Variants in FHIP1A observed in about 807,000 individuals in gnomAD.
The protein encoded by FHIP1A is FHF complex subunit HOOK interacting protein 1A.
In FHIP1A, 61 loss-of-function variants were observed where a neutral mutation model predicts 88.6. The observed-to-expected ratio is 0.69, with a 90% CI of 0.56 to 0.85. The LOEUF is 0.85. FHIP1A is among the 40% of genes least tolerant of loss of function. The probability of loss-of-function intolerance (pLI) is 0.00; values close to 1 mark genes in which losing one functional copy is unlikely to be tolerated. For missense variants in FHIP1A, 1,154 were observed against 1,273.5 expected, an observed-to-expected ratio of 0.91 and a Z score of 1.43; for synonymous variants, 478 against 496.0, an observed-to-expected ratio of 0.96 and a Z score of 0.48.
intron 2 of FHIP1A, among the ~76,000 whole-genome samples, chr4:151,461,496 C>T (rs1729140180): frequency 6.6e-6 from 1 of 152,044 alleles, no homozygotes; most frequent in Non-Finnish European, 1.5e-5. Context: ...TTGAATGTTC[C>T]CAACACAAAG....
chr4:151,549,826 TA>T (rs1732654318), intron 3 of FHIP1A, among the ~76,000 whole-genome samples: 1 of 152,130 alleles, frequency 6.6e-6, no homozygotes, highest in Admixed American at 6.5e-5. Context: ...AAAATACATG[TA>T]GTATGGGACA....
chr4:151,650,386 T>C lies in FHIP1A; in HGVS notation c.2345T>C (p.Leu782Pro). 1 of 1,551,560 alleles carries C rather than the reference T, an allele frequency of 6.4e-7. No homozygotes were observed. The highest frequency in any genetic ancestry group is 8.7e-7 in the Non-Finnish European group (1 of 1,146,982). ...TACCCCACACCTGATCCCTTGCTTC[T>C]CACTAAGGAGGAAGAAGGGAAGGAA... ...QNYPTPDPLL[L>P]TKEEEGKEES... Residue 782 changes from leucine (L) to proline (P), a missense_variant, in exon 11 of 14, where the codon CTC becomes CCC. Leu to Pro is a moderately conservative substitution (Grantham distance 98). Coordinates refer to ENST00000435205, the MANE Select transcript of FHIP1A (RefSeq NM_001109977.3).
At chr4:151,659,681 T>C (rs1317777818) in intron 13 of FHIP1A, among the ~76,000 whole-genome samples, 1 of 152,230 alleles carries the variant, frequency 6.6e-6, no homozygotes, top group Non-Finnish European at 1.5e-5. Context: ...CAGGTGCTCG[T>C]GCATGCTTGT....
At chr4:151,614,162 CAAA>C (rs111483557) in intron 7 of FHIP1A, among the ~76,000 whole-genome samples, 5 of 122,538 alleles carry the variant, frequency 4.1e-5, no homozygotes, top group Non-Finnish European at 5.1e-5. Flanking sequence ...GACTCCATCT[CAAA>C]AAAAAAAAAA....
At chr4:151,595,788 T>G (rs953318996) in intron 7 of FHIP1A, among the ~76,000 whole-genome samples, 1 of 152,130 alleles carries the variant, frequency 6.6e-6, no homozygotes, top group Non-Finnish European at 1.5e-5. Context: ...AATGCCCTTC[T>G]TTGTCTCTTT....
chr4:151,480,720 G>GT (rs1033470592), intron 2 of FHIP1A, among the ~76,000 whole-genome samples: 2 of 151,998 alleles, frequency 1.3e-5, no homozygotes, highest in African/African-American at 4.8e-5. Context: ...TGAAGAATTT[G>GT]TTTTTTGCAT....
chr4:151,586,829 C>T, intron 6 of FHIP1A, 30 bp downstream of exon 6: 6 of 1,495,144 alleles, frequency 4.0e-6, no homozygotes, highest in Non-Finnish European at 5.4e-6. Flanking sequence ...GATCCCTTTG[C>T]TATGGCTTCA....
chr4:151,421,456 T>C (rs995689467), intron 1 of FHIP1A, among the ~76,000 whole-genome samples: 3 of 152,226 alleles, frequency 2.0e-5, no homozygotes, highest in African/African-American at 7.2e-5. Flanking sequence ...TTAGTTTACT[T>C]ATGTCTTTTT....
chr4:151,617,750 G>A (rs1297941604), intron 7 of FHIP1A, among the ~76,000 whole-genome samples: 2 of 152,162 alleles, frequency 1.3e-5, no homozygotes, highest in African/African-American at 2.4e-5. Flanking sequence ...GCCAGGCATG[G>A]TGGCGTGTGC....
intron 9 of FHIP1A, among the ~76,000 whole-genome samples, chr4:151,643,082 AAGATAG>A (rs1736653121): frequency 6.6e-6 from 1 of 152,034 alleles, no homozygotes; most frequent in Admixed American, 6.6e-5. Context: ...TATAAATGAA[AAGATAG>A]TTTGATGATA....
intron 5 of FHIP1A, among the ~76,000 whole-genome samples, chr4:151,579,796 T>C (rs1005643185): frequency 6.6e-6 from 1 of 152,210 alleles, no homozygotes; most frequent in East Asian, 1.9e-4. Context: ...GTTTTTATTA[T>C]GAGAAAAAAT....
intron 8 of FHIP1A, among the ~76,000 whole-genome samples, chr4:151,632,087 G>A (rs1736177677): frequency 1.3e-5 from 2 of 151,944 alleles, no homozygotes; most frequent in Admixed American, 6.6e-5. Context: ...TAAGCTGAAA[G>A]TCAAAAGATG....
chr4:151,468,870 T>G (rs1045340865), intron 2 of FHIP1A, among the ~76,000 whole-genome samples: 3 of 152,180 alleles, frequency 2.0e-5, no homozygotes, highest in African/African-American at 7.2e-5. Flanking sequence ...GATCATCTGA[T>G]CTGGGGTACT....
chr4:151,419,160 A>G (rs1476971216), intron 1 of FHIP1A, among the ~76,000 whole-genome samples: 1 of 152,186 alleles, frequency 6.6e-6, no homozygotes, highest in Non-Finnish European at 1.5e-5. Context: ...AAACTCAGTA[A>G]AGCAGACTGC....
Position 151,629,826 on chromosome 4 carries a change from A to G in FHIP1A, c.1103A>G (p.His368Arg). 2 of 1,551,452 alleles carry G rather than the reference A, an allele frequency of 1.3e-6. No homozygotes were observed. The highest frequency in any genetic ancestry group is 2.4e-5 in the East Asian group (1 of 40,928). ...FILLHQHENV[H>R]ILDTLTSRIN... ...CTATTGCACCAGCACGAGAATGTCC[A>G]CATCCTAGACACTCTCACGAGTCGA... The change falls in exon 8 of 14, where the codon CAC becomes CGC. Residue 368 changes from histidine (H) to arginine (R), a missense_variant. Coordinates refer to ENST00000435205, the MANE Select transcript of FHIP1A (RefSeq NM_001109977.3).
intron 2 of FHIP1A, among the ~76,000 whole-genome samples, chr4:151,462,404 A>G (rs1389389770): frequency 2.6e-5 from 4 of 152,102 alleles, no homozygotes; most frequent in Non-Finnish European, 5.9e-5. Flanking sequence ...AGATAGTTTC[A>G]CTAGATTCTT....
chr4:151,527,686 A>T (rs1309890978), intron 3 of FHIP1A, among the ~76,000 whole-genome samples: 1 of 152,210 alleles, frequency 6.6e-6, no homozygotes, highest in Non-Finnish European at 1.5e-5. Context: ...ATGCTTCAGT[A>T]TAATGCTCTG....
chr4:151,473,487 C>T (rs1382453700), intron 2 of FHIP1A, among the ~76,000 whole-genome samples: 1 of 151,890 alleles, frequency 6.6e-6, no homozygotes, highest in Non-Finnish European at 1.5e-5. Context: ...CTCCTTGGCC[C>T]ATGAAATGTA....
At chr4:151,528,896 T>C (rs1459711213) in intron 3 of FHIP1A, among the ~76,000 whole-genome samples, 1 of 152,186 alleles carries the variant, frequency 6.6e-6, no homozygotes, top group Non-Finnish European at 1.5e-5. Flanking sequence ...CTTTATTTGG[T>C]GTTTCACTTC....
Sources: allele counts gnomAD v4.1 joint callset (sites outside exome capture counted in the v4.1 genomes callset), GRCh38; gene constraint gnomAD v4.1.1; transcripts MANE v1.5; gene names NCBI Gene and HGNC (gene_info 2026-07-23, HGNC 2026-07-21).